Variants in DDX10 observed in about 807,000 individuals in gnomAD.
DDX10 encodes probable ATP-dependent RNA helicase DDX10.
DDX10 carries 74 observed loss-of-function variants against 104.3 expected under a neutral mutation model. That is an observed-to-expected ratio of 0.71 (90% confidence interval 0.59 to 0.86). The LOEUF is 0.86. DDX10 is among the 40% of genes least tolerant of loss of function. The pLI is 0.00. For missense variants in DDX10, 952 were observed against 1,040.0 expected, an observed-to-expected ratio of 0.92 and a Z score of 1.16; for synonymous variants, 351 against 353.4, an observed-to-expected ratio of 0.99 and a Z score of 0.08.
chr11:108,888,685 A>C (rs968027684), intron 16 of DDX10, among the ~76,000 whole-genome samples: 3 of 152,132 alleles, frequency 2.0e-5, no homozygotes, highest in African/African-American at 7.2e-5. Context: ...AAAGCATTTT[A>C]CTAAGGATGC....
intron 13 of DDX10, among the ~76,000 whole-genome samples, chr11:108,821,984 T>C (rs1021622135): frequency 2.6e-5 from 4 of 152,246 alleles, no homozygotes; most frequent in African/African-American, 9.6e-5. Flanking sequence ...AGTATTTCAA[T>C]ATATTCACAT....
At chr11:108,925,720 T>C (rs985602662) in intron 17 of DDX10, among the ~76,000 whole-genome samples, 2 of 152,228 alleles carry the variant, frequency 1.3e-5, no homozygotes, top group Non-Finnish European at 2.9e-5. Flanking sequence ...TATTTTGTTA[T>C]TACAAGTAAT....
chr11:108,724,762 G>C (rs187861841), intron 13 of DDX10, among the ~76,000 whole-genome samples: 1 of 152,034 alleles, frequency 6.6e-6, no homozygotes, highest in Non-Finnish European at 1.5e-5. Flanking sequence ...AATTGTTCAC[G>C]TAAGTAGGAC....
At chr11:108,915,203 C>T (rs1427896590) in intron 16 of DDX10, among the ~76,000 whole-genome samples, 4 of 152,152 alleles carry the variant, frequency 2.6e-5, no homozygotes, top group Non-Finnish European at 4.4e-5. Context: ...CATTCCTAGA[C>T]ATATCATGGT....
At chr11:108,803,978 G>C (rs1436625234) in intron 13 of DDX10, among the ~76,000 whole-genome samples, 1 of 152,152 alleles carries the variant, frequency 6.6e-6, no homozygotes, top group Non-Finnish European at 1.5e-5. Flanking sequence ...AGGCACTGCT[G>C]ATTAGGCCTG....
intron 13 of DDX10, among the ~76,000 whole-genome samples, chr11:108,754,210 T>G (rs2134508237): frequency 6.6e-6 from 1 of 152,210 alleles, no homozygotes; most frequent in South Asian, 2.1e-4. Flanking sequence ...CATTTACTGT[T>G]TCTAGTATAC....
At chr11:108,678,178 A>T in intron 4 of DDX10, 137 bp from the exon 5 acceptor site, 1 of 831,802 alleles carries the variant, frequency 1.2e-6, no homozygotes, top group Non-Finnish European at 1.7e-6. Flanking sequence ...CAGAAATACA[A>T]GGGAAAAGTT....
chr11:108,928,363 T>C (rs1863934546), intron 17 of DDX10, among the ~76,000 whole-genome samples: 1 of 152,210 alleles, frequency 6.6e-6, no homozygotes, highest in African/African-American at 2.4e-5. Context: ...AGCATCTGTT[T>C]TACAAAAATA....
chr11:108,809,020 CTT>C lies in DDX10; in HGVS notation c.1966-29416_1966-29415del, dbSNP rs916106072. 6.1e-5 allele frequency among the ~76,000 whole-genome samples: 9 copies of C among 147,668 alleles called. No individual in the cohort carries two copies. In the South Asian group the frequency reaches 6.4e-4, roughly 11 times the overall value. On this transcript the variant is annotated intron_variant, in intron 13 of 17. Transcript: ENST00000322536. ...TTCTAACTGTAATAGTGGAAAATAA[CTT>C]TTTTTTTTTCAGGAAATGCTAGTTT...
chr11:108,802,895 G>A (rs1008087314), intron 13 of DDX10, among the ~76,000 whole-genome samples: 35 of 152,298 alleles, frequency 2.3e-4, no homozygotes, highest in Middle Eastern at 6.8e-3. Context: ...CTAGACTTGG[G>A]TGTAGATACA....
chr11:108,927,006 G>T (rs1008603496), intron 17 of DDX10, among the ~76,000 whole-genome samples: 3 of 152,166 alleles, frequency 2.0e-5, no homozygotes, highest in Non-Finnish European at 4.4e-5. Context: ...GCTTTCCACA[G>T]CCAGTTTAGC....
intron 13 of DDX10, among the ~76,000 whole-genome samples, chr11:108,783,299 G>T (rs1185061936): frequency 6.6e-6 from 1 of 152,148 alleles, no homozygotes; most frequent in Non-Finnish European, 1.5e-5. Flanking sequence ...CTTAAAATGG[G>T]CCATTAGTTT....
At chr11:108,839,320 C>A (rs1158337776) in intron 14 of DDX10, among the ~76,000 whole-genome samples, 2 of 152,136 alleles carry the variant, frequency 1.3e-5, no homozygotes, top group African/African-American at 2.4e-5. Flanking sequence ...TCCATCATAG[C>A]CTCATTTCTC....
Position 108,906,760 on chromosome 11 carries a change from G to A in DDX10, c.2305-11113G>A, listed in dbSNP as rs180704308. Among the ~76,000 whole-genome samples the A allele has an allele frequency of 2.6e-4, 40 of 152,296 alleles. No individual in the cohort carries two copies. In the East Asian group the frequency reaches 3.5e-3, roughly 13 times the overall value. On this transcript the variant is annotated intron_variant, in intron 16 of 17. Transcript: ENST00000322536. ...GCACCATTATTTAATAGGGCGTTAT[G>A]AAATTGTAGCATCATCAGTATCCTG...
chr11:108,884,865 C>G (rs901221993), intron 16 of DDX10, among the ~76,000 whole-genome samples: 1 of 152,192 alleles, frequency 6.6e-6, no homozygotes, highest in Non-Finnish European at 1.5e-5. Flanking sequence ...CCCCACCTTT[C>G]TTTTGAGTCT....
chr11:108,759,711 G>A (rs1343036524), intron 13 of DDX10, among the ~76,000 whole-genome samples: 3 of 151,718 alleles, frequency 2.0e-5, no homozygotes, highest in East Asian at 1.9e-4. Context: ...TCATAGCCCC[G>A]CATCACTTTT....
intron 13 of DDX10, among the ~76,000 whole-genome samples, chr11:108,834,927 C>CAAAAA (rs56174572): frequency 1.1e-3 from 67 of 62,112 alleles, no homozygotes; most frequent in South Asian, 4.1e-3. Context: ...GACTCCATCT[C>CAAAAA]AAAAAAAAAA....
At chr11:108,900,815 A>G (rs1000201760) in intron 16 of DDX10, among the ~76,000 whole-genome samples, 3 of 152,156 alleles carry the variant, frequency 2.0e-5, no homozygotes, top group East Asian at 3.8e-4. Flanking sequence ...TCCTCTGGCA[A>G]GGGACTGTCT....
chr11:108,766,305 T>C (rs966340470), intron 13 of DDX10, among the ~76,000 whole-genome samples: 19 of 152,220 alleles, frequency 1.2e-4, no homozygotes, highest in African/African-American at 4.6e-4. Context: ...GTTCTTCCTT[T>C]GTAATGTCTT....
Sources: allele counts gnomAD v4.1 joint callset (sites outside exome capture counted in the v4.1 genomes callset), GRCh38; gene constraint gnomAD v4.1.1; transcripts MANE v1.5; gene names NCBI Gene and HGNC (gene_info 2026-07-23, HGNC 2026-07-21).